The following NOP2 variants were observed in gnomAD, a reference collection of about 807,000 sequenced individuals.
The protein encoded by NOP2 is NOP2 nucleolar protein.
A neutral mutation model predicts 72.7 loss-of-function variants in NOP2; 7 were observed. The observed-to-expected ratio is 0.10, with a 90% CI of 0.05 to 0.18. The LOEUF (loss-of-function observed/expected upper bound fraction) is 0.18, where lower values mean the gene tolerates loss of function less well. Among genes scored for constraint, NOP2 ranks in the 10% least tolerant of loss-of-function variants. The pLI is 1.00. For missense variants in NOP2, 954 were observed against 1,014.7 expected, an observed-to-expected ratio of 0.94 and a Z score of 0.81; for synonymous variants, 387 against 388.0, an observed-to-expected ratio of 1.00 and a Z score of 0.03.
intron 8 of NOP2, 21 bp from the exon 9 acceptor site, chr12:6,563,191 G>T: frequency 6.4e-7 from 1 of 1,570,650 alleles, no homozygotes; most frequent in Non-Finnish European, 8.6e-7. Flanking sequence ...AGACAGCAGG[G>T]AATAAGTGAG....
At chr12:6,565,227 C>T (rs1320078662) in intron 5 of NOP2, among the ~76,000 whole-genome samples, 1 of 150,706 alleles carries the variant, frequency 6.6e-6, no homozygotes, top group Non-Finnish European at 1.5e-5. Context: ...GATCACAGCT[C>T]ACTGCAGCCT....
chr12:6,564,488 G>A (rs796618000), intron 5 of NOP2, among the ~76,000 whole-genome samples: 45 of 151,528 alleles, frequency 3.0e-4, no homozygotes, highest in African/African-American at 9.9e-4. Context: ...GAGTGCAATG[G>A]CGCGTCTTGG....
rs1007401305 is a variant in NOP2, at chr12:6,568,270, G to A, written c.-68C>T. 4.9e-6 allele frequency: 1 copy of A among 205,782 alleles called. No individual in the cohort carries two copies. The highest frequency in any genetic ancestry group is 9.8e-6 in the Non-Finnish European group (1 of 101,666). The allele number at this position is 205,782 out of a possible 1,614,324, so 12.7% of individuals were successfully genotyped here. On this transcript the variant is annotated 5_prime_UTR_variant, in exon 1 of 16. Coordinates refer to ENST00000322166, the MANE Select transcript of NOP2 (RefSeq NM_001258308.2). The stretch of plus-strand genomic sequence containing the variant: ...GCCCTCCACGTGCAATCCGGACCTA[G>A]CTTTCGGCCGGCACTCGCCACAGAA...
intron 15 of NOP2, chr12:6,558,233 A>G (rs918238500): frequency 2.5e-5 from 8 of 319,338 alleles, no homozygotes; most frequent in South Asian, 1.9e-4. Flanking sequence ...AGGAAGTAAC[A>G]AGATGCTGTA....
In NOP2 at chr12:6,560,560, C is replaced by T; in HGVS notation, c.1447G>A (p.Asp483Asn). The T allele has an allele frequency of 6.3e-7, 1 of 1,596,840 alleles. No homozygotes were observed. Among genetic ancestry groups the T allele is most frequent in the Non-Finnish European group, 8.6e-7 (1 of 1,169,382 alleles). Reference protein sequence around the residue: ...PAVKTNKDEKDILRCAHLQKE... With the variant: ...PAVKTNKDEKNILRCAHLQKE... ...TGGAGGTGAGCACAGCGCAGGATGT[C>T]CTTCTCATCCTGTCCCAAAAAGAGA... The change falls in exon 14 of 16, where the codon GAC (aspartate) becomes AAC (asparagine). Residue 483 changes from aspartate (D) to asparagine (N), a missense_variant. By Grantham distance (23) the Asp-to-Asn change is conservative. Around this residue, in one of 3 missense-constraint regions of NOP2, gnomAD observed 187 missense variants for 276.2 expected, o/e 0.68. Coordinates refer to ENST00000322166, the MANE Select transcript of NOP2 (RefSeq NM_001258308.2). This position sits in a 1 kb window ranked among gnomAD's most constrained non-coding sequence, Gnocchi z 5.0.
intron 15 of NOP2, among the ~76,000 whole-genome samples, chr12:6,559,202 T>C (rs1250614410): frequency 6.6e-6 from 1 of 152,092 alleles, no homozygotes; most frequent in Non-Finnish European, 1.5e-5. Flanking sequence ...CACTGCAAGC[T>C]CCGCCTCCCG....
chr12:6,559,102 C>A (rs957790569), intron 15 of NOP2, among the ~76,000 whole-genome samples: 1 of 151,938 alleles, frequency 6.6e-6, no homozygotes, highest in Non-Finnish European at 1.5e-5. Context: ...GGACTACAGG[C>A]ACGTACCACC....
intron 15 of NOP2, among the ~76,000 whole-genome samples, chr12:6,559,286 T>G (rs1403873606): frequency 6.6e-6 from 1 of 152,188 alleles, no homozygotes; most frequent in Non-Finnish European, 1.5e-5. Context: ...GCTCAGCTAA[T>G]TTTTTATATT....
In NOP2 at chr12:6,561,001, A is replaced by C. The variant is rs1947633933; in HGVS notation, c.1277T>G (p.Val426Gly). The C allele has an allele frequency of 1.2e-6, 2 of 1,613,878 alleles. No individual in the cohort carries two copies. Residue 426 changes from valine (V) to glycine (G), a missense_variant, in exon 12 of 16, where the codon GTG (valine) becomes GGG (glycine). This residue lies in a region of NOP2 where 187 missense variants were observed against 276.2 expected (regional missense o/e 0.68). Transcript: ENST00000322166. ...DANAERLKSV[V>G]GNLHRLGVTN... ...GACTCCCAGCCGATGCAAGTTGCCC[A>C]CAACACTCTTGAGCCGCTCAGCATT...
Position 6,560,554 on chromosome 12 carries a change from G to C in NOP2, c.1453C>G (p.Leu485Val). Residue 485 changes from leucine to valine, a missense_variant, in exon 14 of 16, where the codon CTG becomes GTG. Around this residue, in one of 3 missense-constraint regions of NOP2, gnomAD observed 187 missense variants for 276.2 expected, o/e 0.68. Transcript: ENST00000322166. The surrounding 1 kb of genome is among the most constrained non-coding windows in gnomAD (Gnocchi z 5.0). ...VKTNKDEKDI[L>V]RCAHLQKELL... Reference sequence around the variant, plus strand: ...TCCTTCTGGAGGTGAGCACAGCGCAGGATGTCCTTCTCATCCTGTCCCAAA... The same window carrying C: ...TCCTTCTGGAGGTGAGCACAGCGCACGATGTCCTTCTCATCCTGTCCCAAA... 6.2e-7 allele frequency: 1 copy of C among 1,600,230 alleles called. No homozygotes were observed. The highest frequency in any genetic ancestry group is 8.5e-7 in the Non-Finnish European group (1 of 1,171,186).
In NOP2 at chr12:6,567,797, G is replaced by A. The variant is rs1480357784; in HGVS notation, c.103+19C>T. On this transcript the variant is annotated intron_variant, in intron 2 of 15. Transcript: ENST00000322166. ...TACTGCAAAAGCTGAGGGATCAGGA[G>A]GCCACAACTAATCCTTACCTGCAGG... The A allele has an allele frequency of 1.3e-6, 2 of 1,591,738 alleles. No individual in the cohort carries two copies. The highest frequency in any genetic ancestry group is 1.1e-5 in the South Asian group (1 of 90,560).
chr12:6,562,959 C>T (rs78347758), intron 9 of NOP2, 122 bp downstream of exon 9: 5 of 960,568 alleles, frequency 5.2e-6, no homozygotes, highest in Non-Finnish European at 8.1e-6. Flanking sequence ...CTGGGTTTGC[C>T]CCCCCAGGAT....
chr12:6,566,753 T>C lies in NOP2; in HGVS notation c.149+24A>G. On this transcript the variant is annotated intron_variant, in intron 3 of 15. Transcript: ENST00000322166. Reference sequence around the variant, plus strand: ...GATGAGCAGTACCAATTTAACCTACTTAAGTTTTGACACCCACACTTACCT... The same window carrying C: ...GATGAGCAGTACCAATTTAACCTACCTAAGTTTTGACACCCACACTTACCT... 1.9e-6 allele frequency: 3 copies of C among 1,611,696 alleles called. No individual in the cohort carries two copies. The South Asian group carries it at 3.3e-5, about 18-fold the overall frequency.
In NOP2 at chr12:6,566,548, C is replaced by G. The variant is rs1397765361; in HGVS notation, c.219G>C (p.Leu73Phe). The G allele has an allele frequency of 3.1e-6, 5 of 1,613,838 alleles. No homozygotes were observed. In the Admixed American group the frequency reaches 8.3e-5, roughly 27 times the overall value. The change falls in exon 4 of 16, where the codon TTG becomes TTC. Residue 73 changes from leucine to phenylalanine, a missense_variant. Physicochemically the swap from Leu to Phe is conservative, Grantham distance 22. Around this residue, in one of 3 missense-constraint regions of NOP2, gnomAD observed 498 missense variants for 478.3 expected, o/e 1.04. Transcript: ENST00000322166. ...KTNKSPEAKP[L>F]PGKLPKGISA... ...ACGGACCTTTTGGTAGCTTTCCAGG[C>G]AATGGTTTGGCCTCAGGAGACTTAT...
chr12:6,562,209 C>T (rs1311446264), intron 9 of NOP2, among the ~76,000 whole-genome samples: 1 of 152,120 alleles, frequency 6.6e-6, no homozygotes, highest in Non-Finnish European at 1.5e-5. Context: ...AGGCTGGTCT[C>T]TAACTCCTGA....
At chr12:6,566,912 A>G in intron 2 of NOP2, 90 bp from the exon 3 acceptor site, 9 of 1,010,350 alleles carry the variant, frequency 8.9e-6, no homozygotes, top group African/African-American at 3.2e-5. Context: ...GAGAATTAGT[A>G]CACTAATTAA....
Position 6,561,799 on chromosome 12 carries a change from T to C in NOP2, c.1072A>G (p.Thr358Ala). The change falls in exon 11 of 16, where the codon ACC (threonine) becomes GCC (alanine). Residue 358 changes from threonine (T) to alanine (A), a missense_variant. Coordinates refer to ENST00000322166, the MANE Select transcript of NOP2 (RefSeq NM_001258308.2). Reference protein sequence around the residue: ...VYDSSVPIGATPEYLAGHYML... With the variant: ...VYDSSVPIGAAPEYLAGHYML... Reference sequence around the variant, plus strand: ...TAGTGCCCAGCCAGGTACTCGGGGGTAGCACCTGTGGAGAAGGACCACCCT... The same window carrying C: ...TAGTGCCCAGCCAGGTACTCGGGGGCAGCACCTGTGGAGAAGGACCACCCT... 3.7e-6 allele frequency: 6 copies of C among 1,609,140 alleles called. No individual in the cohort carries two copies. The highest frequency in any genetic ancestry group is 5.1e-6 in the Non-Finnish European group (6 of 1,177,876).
intron 5 of NOP2, chr12:6,564,216 C>T (rs1947721156): frequency 1.3e-6 from 1 of 755,810 alleles, no homozygotes. Context: ...GTGGAGGTTG[C>T]AGTGAGCCAA....
At position 6,565,082 on chromosome 12, in the gene NOP2, A is replaced by G. The variant is rs905336882; in HGVS notation, c.474+1019T>C. Among the ~76,000 whole-genome samples the G allele has an allele frequency of 3.3e-5, 5 of 152,158 alleles. No individual in the cohort carries two copies. In the East Asian group the frequency reaches 7.7e-4, roughly 23 times the overall value. On this transcript the variant is annotated intron_variant, in intron 5 of 15. Transcript: ENST00000322166. Reference sequence around the variant, plus strand: ...ATTGTATAATAACTTCCTGCACCTCAGTAAAGAACTATTTGCTGACATTTT... The same window carrying G: ...ATTGTATAATAACTTCCTGCACCTCGGTAAAGAACTATTTGCTGACATTTT...
Sources: gnomAD v4.1 joint callset for allele counts (sites outside exome capture counted in the v4.1 genomes callset) on GRCh38, gnomAD v4.1.1 for gene constraint, gnomAD v4.1.1 regional missense constraint, Gnocchi (gnomAD v3.1) non-coding constraint, MANE v1.5 for transcripts, NCBI Gene and HGNC (gene_info 2026-07-23, HGNC 2026-07-21) for gene names.